The following CDC42EP3 variants were observed in gnomAD, a reference collection of about 807,000 sequenced individuals.
CDC42EP3 encodes the protein CDC42 effector protein (Rho GTPase binding) 3.
Under a neutral mutation model 15.5 loss-of-function variants are expected in CDC42EP3, and 4 were observed. The observed-to-expected ratio is 0.26, with a 90% CI of 0.13 to 0.59. The LOEUF is 0.59. CDC42EP3 is among the 20% of genes least tolerant of loss of function. The pLI is 0.89. For synonymous variants in CDC42EP3, 145 were observed against 130.3 expected (o/e 1.11, Z -0.77); for missense variants, 309 against 311.2 (o/e 0.99, Z 0.05).
chr2:37,642,903 T>C lies in CDC42EP3; in HGVS notation c.*2920A>G, dbSNP rs897771833. The C allele has an allele frequency of 6.6e-6, 1 of 152,212 alleles. No individual in the cohort carries two copies. Among genetic ancestry groups the C allele is most frequent in the Non-Finnish European group, 1.5e-5 (1 of 68,034 alleles). The allele number at this position is 152,212 out of a possible 1,614,324, so 9.4% of individuals were successfully genotyped here. A position where few individuals can be genotyped will look rare whatever the true frequency, so the allele number is the denominator to read the frequency against. The stretch of plus-strand genomic sequence containing the variant: ...TTTCTGGCTCAGTGAAATGTGATAA[T>C]GACTTCATATTTGTGAAGAGCTAAG... On this transcript the variant is annotated 3_prime_UTR_variant, in exon 2 of 2. Coordinates refer to ENST00000295324, the MANE Select transcript of CDC42EP3 (RefSeq NM_006449.5).
intron 1 of CDC42EP3, among the ~76,000 whole-genome samples, chr2:37,669,939 G>A (rs1666354033): frequency 6.6e-6 from 1 of 152,148 alleles, no homozygotes; most frequent in African/African-American, 2.4e-5. Flanking sequence ...AATCTATTCT[G>A]AAAAGGGTAT....
At chr2:37,657,684 C>A (rs902039234) in intron 1 of CDC42EP3, among the ~76,000 whole-genome samples, 1 of 152,202 alleles carries the variant, frequency 6.6e-6, no homozygotes, top group Non-Finnish European at 1.5e-5. Context: ...TATTAGAACA[C>A]ACCTATGCCT....
At chr2:37,661,752 G>A (rs993988859) in intron 1 of CDC42EP3, among the ~76,000 whole-genome samples, 5 of 152,190 alleles carry the variant, frequency 3.3e-5, no homozygotes, top group African/African-American at 1.2e-4. Context: ...AGTGATGTAT[G>A]AGAGAAGAGA....
At chr2:37,659,403 A>G (rs1034799504) in intron 1 of CDC42EP3, among the ~76,000 whole-genome samples, 4 of 152,198 alleles carry the variant, frequency 2.6e-5, no homozygotes, top group Admixed American at 2.0e-4. Context: ...TCCCCTATCC[A>G]TGCAGGGTAA....
intron 1 of CDC42EP3, among the ~76,000 whole-genome samples, chr2:37,648,568 G>C (rs1336702701): frequency 1.3e-5 from 2 of 152,200 alleles, no homozygotes; most frequent in Non-Finnish European, 2.9e-5. Flanking sequence ...GCACTAGAGA[G>C]AGCCAGCCCC....
At chr2:37,662,082 A>C (rs185402492) in intron 1 of CDC42EP3, among the ~76,000 whole-genome samples, 1 of 150,616 alleles carries the variant, frequency 6.6e-6, no homozygotes, top group African/African-American at 2.5e-5. Flanking sequence ...GTTTCCAAAA[A>C]AGAAAAAAAA....
chr2:37,645,897 G>A lies in CDC42EP3; in HGVS notation c.691C>T (p.Leu231Phe), dbSNP rs774036994. 2 of 1,607,512 alleles carry A rather than the reference G, an allele frequency of 1.2e-6. No homozygotes were observed. The highest frequency in any genetic ancestry group is 1.7e-5 in the Admixed American group (1 of 58,862). The change falls in exon 2 of 2, where the codon CTC becomes TTC. Residue 231 changes from leucine to phenylalanine, a missense_variant. Coordinates refer to ENST00000295324, the MANE Select transcript of CDC42EP3 (RefSeq NM_006449.5). ...CCAAGATCAAGCTGCAGGGAGAGGA[G>A]GGAACCTGTAAGGTCAGAGAGGGAC... is the stretch of plus-strand genomic sequence containing the variant. ...EESLSDLTGS[L>F]LSLQLDLGPS...
intron 1 of CDC42EP3, among the ~76,000 whole-genome samples, chr2:37,666,932 G>C (rs1247675111): frequency 6.6e-6 from 1 of 152,056 alleles, no homozygotes; most frequent in Non-Finnish European, 1.5e-5. Context: ...GGGGACAGGA[G>C]AAGATTTCAA....
At chr2:37,653,586 A>C (rs900873537) in intron 1 of CDC42EP3, among the ~76,000 whole-genome samples, 1 of 152,218 alleles carries the variant, frequency 6.6e-6, no homozygotes, top group African/African-American at 2.4e-5. Context: ...CGGTTTTAAA[A>C]AATGACAGAC....
chr2:37,648,757 T>C (rs761379254), intron 1 of CDC42EP3, among the ~76,000 whole-genome samples: 1 of 152,254 alleles, frequency 6.6e-6, no homozygotes, highest in African/African-American at 2.4e-5. Flanking sequence ...GCCCATGTTC[T>C]TCCTGTTAAA....
chr2:37,661,998 A>C (rs1189527589), intron 1 of CDC42EP3, among the ~76,000 whole-genome samples: 1 of 152,056 alleles, frequency 6.6e-6, no homozygotes, highest in Non-Finnish European at 1.5e-5. Flanking sequence ...ACTGGGGCTG[A>C]GATAAGGTCC....
At chr2:37,655,961 A>G (rs530389811) in intron 1 of CDC42EP3, among the ~76,000 whole-genome samples, 1 of 152,368 alleles carries the variant, frequency 6.6e-6, no homozygotes, top group African/African-American at 2.4e-5. Flanking sequence ...ATAAGCTGAC[A>G]CTGTCCAGAA....
intron 1 of CDC42EP3, among the ~76,000 whole-genome samples, chr2:37,662,679 T>C (rs4670752): frequency 0.92 from 139,358 of 152,150 alleles, 64,091 homozygotes; most frequent in East Asian, 1. Flanking sequence ...ACAAGGAATA[T>C]AAAACAAATC....
intron 1 of CDC42EP3, among the ~76,000 whole-genome samples, chr2:37,663,738 G>T (rs975462666): frequency 2.0e-5 from 3 of 152,212 alleles, no homozygotes; most frequent in African/African-American, 7.2e-5. Context: ...TTGATGGAAG[G>T]ATGCAAAGTA....
At chr2:37,652,398 C>G (rs969595782) in intron 1 of CDC42EP3, among the ~76,000 whole-genome samples, 22 of 152,072 alleles carry the variant, frequency 1.4e-4, no homozygotes, top group African/African-American at 5.3e-4. Flanking sequence ...AAGCGAATTA[C>G]CAGACTACAA....
In CDC42EP3 at chr2:37,643,585, A is replaced by G. The variant is rs1665339044; in HGVS notation, c.*2238T>C. ...ACCAGAGAGGGAGTAGAGCTAATGC[A>G]CAGCCATACTCCTCCCCTTTTCATG... On this transcript the variant is annotated 3_prime_UTR_variant, in exon 2 of 2. Transcript: ENST00000295324. 6.6e-6 allele frequency: 1 copy of G among 152,228 alleles called. No individual in the cohort carries two copies. Among genetic ancestry groups the G allele is most frequent in the Non-Finnish European group, 1.5e-5 (1 of 68,038 alleles). The allele number at this position is 152,228 out of a possible 1,614,324, so 9.4% of individuals were successfully genotyped here. A position where few individuals can be genotyped will look rare whatever the true frequency, so the allele number is the denominator to read the frequency against.
chr2:37,668,097 T>G (rs963379619), intron 1 of CDC42EP3, among the ~76,000 whole-genome samples: 3 of 152,210 alleles, frequency 2.0e-5, no homozygotes, highest in African/African-American at 7.2e-5. Context: ...AGTAAGAGAT[T>G]AACAATAGAA....
chr2:37,661,458 C>T (rs966113538), intron 1 of CDC42EP3, among the ~76,000 whole-genome samples: 4 of 152,094 alleles, frequency 2.6e-5, no homozygotes, highest in Non-Finnish European at 4.4e-5. Context: ...AAACAGGAGA[C>T]GTAGAGGGAG....
At position 37,646,371 on chromosome 2, in the gene CDC42EP3, C is replaced by G. The variant is rs763768194; in HGVS notation, c.217G>C (p.Ala73Pro). 4.3e-6 allele frequency: 7 copies of G among 1,613,874 alleles called. No homozygotes were observed. In the East Asian group the frequency reaches 1.6e-4, roughly 36 times the overall value. ...TGCCCAGGGAACTGGCCCAGGTGTG[C>G]TTTCTCCTGGTTTCCAGGTAAAAGC... is the stretch of plus-strand genomic sequence containing the variant. ...YELLPGNQEKAHLGQFPGHNE... is the reference protein window; with the variant it reads ...YELLPGNQEKPHLGQFPGHNE... The change falls in exon 2 of 2, where the codon GCA becomes CCA. Residue 73 changes from alanine to proline, a missense_variant. By Grantham distance (27) the Ala-to-Pro change is conservative (BLOSUM62 -1). Transcript: ENST00000295324.
Sources: allele counts gnomAD v4.1 joint callset (sites outside exome capture counted in the v4.1 genomes callset), GRCh38; gene constraint gnomAD v4.1.1; transcripts MANE v1.5; gene names NCBI Gene and HGNC (gene_info 2026-07-23, HGNC 2026-07-21).